The following PFAS variants were observed in gnomAD, a reference collection of about 807,000 sequenced individuals.
The protein encoded by PFAS is FGAM synthase.
In PFAS, 97 loss-of-function variants were observed where a neutral mutation model predicts 140.6. That is an observed-to-expected ratio of 0.69 (90% CI 0.59 to 0.82). The LOEUF (loss-of-function observed/expected upper bound fraction) is 0.82. Ranked by LOEUF, PFAS falls within the 40% of genes least tolerant of loss-of-function variation. The pLI is 0.00. For synonymous variants in PFAS, 679 were observed against 718.8 expected (o/e 0.94, Z 0.88); for missense variants, 1,656 against 1,780.2 (o/e 0.93, Z 1.26).
intron 26 of PFAS, among the ~76,000 whole-genome samples, chr17:8,268,284 A>T (rs62063141): frequency 0.057 from 8,353 of 145,840 alleles, 295 homozygotes; most frequent in South Asian, 0.17. Context: ...GAGGCAGGAG[A>T]ATCGCTTGAA....
At chr17:8,253,177 T>C (rs768951723) in intron 1 of PFAS, among the ~76,000 whole-genome samples, 1 of 152,162 alleles carries the variant, frequency 6.6e-6, no homozygotes, top group Non-Finnish European at 1.5e-5. Flanking sequence ...TCCCCTGACC[T>C]TCACCACACG....
intron 12 of PFAS, 35 bp downstream of exon 12, chr17:8,263,028 A>G (rs769468110): frequency 1.6e-5 from 25 of 1,610,856 alleles, no homozygotes; most frequent in Non-Finnish European, 2.0e-5. Flanking sequence ...AGAATCCTTG[A>G]TATAACCGGG....
At chr17:8,250,973 T>G (rs537558024) in intron 1 of PFAS, among the ~76,000 whole-genome samples, 2 of 151,922 alleles carry the variant, frequency 1.3e-5, no homozygotes, top group Non-Finnish European at 2.9e-5. Flanking sequence ...GTCTTTTTTT[T>G]TTTTTATTTT....
chr17:8,252,924 G>A (rs950296842), intron 1 of PFAS, among the ~76,000 whole-genome samples: 2 of 152,146 alleles, frequency 1.3e-5, no homozygotes, highest in African/African-American at 2.4e-5. Context: ...GCCCAATCTG[G>A]CCTCTTCTTA....
At chr17:8,250,716 GGTCAATA>G (rs1467690339) in intron 1 of PFAS, among the ~76,000 whole-genome samples, 2 of 152,222 alleles carry the variant, frequency 1.3e-5, no homozygotes, top group Admixed American at 6.5e-5. Context: ...GCACACTGGA[GGTCAATA>G]CACCAAGACA....
At position 8,263,160 on chromosome 17, in the gene PFAS, G is replaced by T. The variant is rs766418072; in HGVS notation, c.1462G>T (p.Asp488Tyr). 7.4e-6 allele frequency: 12 copies of T among 1,613,918 alleles called. No homozygotes were observed. The highest frequency in any genetic ancestry group is 6.7e-5 in the African/African-American group (5 of 74,924). Residue 488 changes from aspartate to tyrosine, a missense_variant, in exon 13 of 28, where the codon GAC (aspartate) becomes TAC (tyrosine). Transcript: ENST00000314666. ...DLDFGAVQRG[D>Y]PEMEQKMNRV... Reference sequence around the variant, plus strand: ...GGACTTTGGGGCTGTGCAGCGAGGAGACCCGGAGATGGAACAGAAGATGAA... The same window carrying T: ...GGACTTTGGGGCTGTGCAGCGAGGATACCCGGAGATGGAACAGAAGATGAA...
At chr17:8,255,450 T>C in intron 4 of PFAS, 52 bp from the exon 5 acceptor site, 1 of 1,338,570 alleles carries the variant, frequency 7.5e-7, no homozygotes, top group South Asian at 1.5e-5. Context: ...GGACCATTTC[T>C]CTCCATTCTT....
intron 26 of PFAS, among the ~76,000 whole-genome samples, chr17:8,268,139 G>T (rs552408586): frequency 9.6e-5 from 14 of 145,406 alleles, no homozygotes; most frequent in African/African-American, 3.5e-4. Context: ...TTGGCTCACC[G>T]CAACCTCCAC....
At position 8,267,398 on chromosome 17, in the gene PFAS, T is replaced by C. The variant is rs143035868; in HGVS notation, c.3202T>C (p.Leu1068=). 1.2e-5 allele frequency: 19 copies of C among 1,614,142 alleles called. No homozygotes were observed. Among genetic ancestry groups the C allele is most frequent in the Non-Finnish European group, 1.6e-5 (19 of 1,180,012 alleles). ...TGGTCCCAGCCCCCGAGTCGCCATC[T>C]TGCGAGAGGAGGGCAGTAATGGAGA... ...PGGPSPRVAI[L]REEGSNGDRE... is the part of the protein sequence containing the mutation. The change falls in exon 25 of 28, where the codon TTG becomes CTG. Residue 1068 remains leucine (L), a synonymous_variant. Coordinates refer to ENST00000314666, the MANE Select transcript of PFAS (RefSeq NM_012393.3). The surrounding 1 kb of genome is among the most constrained non-coding windows in gnomAD (Gnocchi z 4.9).
Position 8,270,186 on chromosome 17 carries a change from C to CT in PFAS, c.*923dup, listed in dbSNP as rs1299463640. 1.3e-5 allele frequency: 2 copies of CT among 152,138 alleles called. No individual in the cohort carries two copies. Among genetic ancestry groups the CT allele is most frequent in the African/African-American group, 4.8e-5 (2 of 41,402 alleles). The allele number at this position is 152,138 out of a possible 1,614,324, so 9.4% of individuals were successfully genotyped here. On this transcript the variant is annotated 3_prime_UTR_variant, in exon 28 of 28. Coordinates refer to ENST00000314666, the MANE Select transcript of PFAS (RefSeq NM_012393.3). ...AGCCACTACAGCTGGCCCAGCAGCT[C>CT]TGTTTCTGATAGAGGTGGTTGGGGC...
rs779144823 is a variant in PFAS, at chr17:8,262,910, C to G, written c.1337-10C>G. On this transcript the variant is annotated splice_polypyrimidine_tract_variant and intron_variant, in intron 11 of 27. Coordinates refer to ENST00000314666, the MANE Select transcript of PFAS (RefSeq NM_012393.3). ...CCCCAGTGTTCTGATTCTGCCTTCC[C>G]TTCTTACAGGCATGGAAGTTGTAAA... is the stretch of plus-strand genomic sequence containing the variant. 2 of 1,611,758 alleles carry G rather than the reference C, an allele frequency of 1.2e-6. No individual in the cohort carries two copies. The highest frequency in any genetic ancestry group is 1.1e-5 in the South Asian group (1 of 91,050).
chr17:8,257,511 A>G (rs945866733), intron 9 of PFAS, among the ~76,000 whole-genome samples: 2 of 152,086 alleles, frequency 1.3e-5, no homozygotes, highest in Non-Finnish European at 2.9e-5. Flanking sequence ...AGCCAAGATC[A>G]CGCCACTGCA....
chr17:8,256,528 A>G lies in PFAS; in HGVS notation c.826A>G (p.Ile276Val). 6.2e-7 allele frequency: 1 copy of G among 1,614,138 alleles called. No homozygotes were observed. Among genetic ancestry groups the G allele is most frequent in the Non-Finnish European group, 8.5e-7 (1 of 1,180,028 alleles). ...CCATGACGGGTATGTCCACAGTGCA[A>G]TCCAGGGAAAGGAAGTCCGATTCCT... is the stretch of plus-strand genomic sequence containing the variant. ...VLKFCDNSSA[I>V]QGKEVRFLRP... Residue 276 changes from isoleucine to valine, a missense_variant, in exon 8 of 28, where the codon ATC (isoleucine) becomes GTC (valine). Around this residue, in one of 2 missense-constraint regions of PFAS, gnomAD observed 773 missense variants for 757.3 expected, o/e 1.02. Transcript: ENST00000314666.
At chr17:8,264,787 T>G (rs776973663) in intron 17 of PFAS, 108 bp from the exon 18 acceptor site, 4 of 993,282 alleles carry the variant, frequency 4.0e-6, no homozygotes, top group Non-Finnish European at 5.9e-6. Flanking sequence ...GTTGTCTGCA[T>G]TGGGGGAAAG....
In PFAS at chr17:8,263,672, C is replaced by T. The variant is rs201113856; in HGVS notation, c.1629+36C>T. On this transcript the variant is annotated intron_variant, in intron 14 of 27. Coordinates refer to ENST00000314666, the MANE Select transcript of PFAS (RefSeq NM_012393.3). ...TCCCCTGAAGTGTGACATTTTCCCA[C>T]CCCTGCCAGCCCCAGCCCGCTTCCA... 6.8e-6 allele frequency: 11 copies of T among 1,606,696 alleles called. No individual in the cohort carries two copies. In the East Asian group the frequency reaches 2.5e-4, roughly 36 times the overall value.
Position 8,264,257 on chromosome 17 carries a change from CA to C in PFAS, c.1838del (p.Gln613ArgfsTer47), listed in dbSNP as rs762885753. 2.5e-6 allele frequency: 4 copies of C among 1,613,990 alleles called. No homozygotes were observed. Among genetic ancestry groups the C allele is most frequent in the Non-Finnish European group, 2.5e-6 (3 of 1,179,932 alleles). ...GGAGTGTCCTGTCAGAAGAAATGGC[CA>C]GGGGGATGCCCCCCCGACACCCCTG... Reference protein sequence around the residue: ...DRECPVRRNGQGDAPPTPLPT... With the variant: ...DRECPVRRNGXGDAPPTPLPT... On this transcript the variant is annotated frameshift_variant, in exon 16 of 28. Coordinates refer to ENST00000314666, the MANE Select transcript of PFAS (RefSeq NM_012393.3). LOFTEE classifies it high-confidence loss of function.
At position 8,265,040 on chromosome 17, in the gene PFAS, G is replaced by T; in HGVS notation, c.2195G>T (p.Ser732Ile). 6.2e-7 allele frequency: 1 copy of T among 1,613,762 alleles called. No homozygotes were observed. Among genetic ancestry groups the T allele is most frequent in the Non-Finnish European group, 8.5e-7 (1 of 1,180,014 alleles). The change falls in exon 18 of 28, where the codon AGC becomes ATC. Residue 732 changes from serine to isoleucine, a missense_variant. This residue lies in a region of PFAS where 883 missense variants were observed against 1,023.0 expected (regional missense o/e 0.86). Transcript: ENST00000314666. The stretch of plus-strand genomic sequence containing the variant: ...GCCTTGGGAGAACAGCCAGTCAAGA[G>T]CCTGCTGGACCCAAAAGTCGCCGCC... ...ATALGEQPVK[S>I]LLDPKVAARL...
Position 8,267,449 on chromosome 17 carries a change from T to C in PFAS, c.3253T>C (p.Leu1085=). The C allele has an allele frequency of 6.2e-7, 1 of 1,614,124 alleles. No individual in the cohort carries two copies. Among genetic ancestry groups the C allele is most frequent in the South Asian group, 1.1e-5 (1 of 91,090 alleles). The stretch of plus-strand genomic sequence containing the variant: ...CCGGGAGATGGCCGATGCCTTCCAC[T>C]TAGCTGGGTTTGAGGTGAGCAGGGT... ...GDREMADAFH[L]AGFEVWDVTM... is the part of the protein sequence containing the mutation. Residue 1085 remains leucine, a synonymous_variant, in exon 25 of 28, where the codon TTA becomes CTA. Coordinates refer to ENST00000314666, the MANE Select transcript of PFAS (RefSeq NM_012393.3). This position sits in a 1 kb window ranked among gnomAD's most constrained non-coding sequence, Gnocchi z 4.9.
intron 26 of PFAS, among the ~76,000 whole-genome samples, chr17:8,268,300 G>A (rs914686152): frequency 3.4e-5 from 5 of 146,750 alleles, no homozygotes; most frequent in African/African-American, 1.2e-4. Flanking sequence ...TTGAACCCAG[G>A]AGGCAGAGGT....
Sources: gnomAD v4.1 joint callset for allele counts (sites outside exome capture counted in the v4.1 genomes callset) on GRCh38, gnomAD v4.1.1 for gene constraint, gnomAD v4.1.1 regional missense constraint, Gnocchi (gnomAD v3.1) non-coding constraint, MANE v1.5 for transcripts, NCBI Gene and HGNC (gene_info 2026-07-23, HGNC 2026-07-21) for gene names.